The following TTC32 variants were observed in gnomAD, a reference collection of about 807,000 sequenced individuals.
The protein encoded by TTC32 is tetratricopeptide repeat protein 32.
Under a neutral mutation model 15.3 loss-of-function variants are expected in TTC32, and 16 were observed. The observed-to-expected ratio is 1.05, with a 90% CI of 0.71 to 1.59. TTC32 has a LOEUF of 1.59. Among genes scored for constraint, TTC32 ranks in the 40% most tolerant of loss-of-function variants. The probability of loss-of-function intolerance (pLI) is 0.00; values close to 1 mark genes in which losing one functional copy is unlikely to be tolerated. For synonymous variants in TTC32, 89 were observed against 67.8 expected, an observed-to-expected ratio of 1.31 and a Z score of -1.53; for missense variants, 188 against 181.9, an observed-to-expected ratio of 1.03 and a Z score of -0.19.
intron 2 of TTC32, among the ~76,000 whole-genome samples, chr2:19,897,335 T>G (rs1467337769): frequency 6.6e-6 from 1 of 152,190 alleles, no homozygotes; most frequent in Non-Finnish European, 1.5e-5. Context: ...CACCTAAAAT[T>G]AGCTATGGGT....
chr2:19,896,712 A>G lies in TTC32; in HGVS notation c.*275T>C, dbSNP rs1669516317. On this transcript the variant is annotated 3_prime_UTR_variant, in exon 3 of 3. Coordinates refer to ENST00000333610, the MANE Select transcript of TTC32 (RefSeq NM_001008237.3). Reference sequence around the variant, plus strand: ...TTAAATAAAAAGTTGAGAATAAAAAAATCACAAAAATAGTTTTGCTGAAGA... The same window carrying G: ...TTAAATAAAAAGTTGAGAATAAAAAGATCACAAAAATAGTTTTGCTGAAGA... The G allele has an allele frequency of 6.3e-6, 1 of 158,534 alleles. No individual in the cohort carries two copies. The highest frequency in any genetic ancestry group is 6.5e-5 in the Admixed American group (1 of 15,492). 9.8% of individuals were successfully genotyped at this position (158,534 alleles called of 1,614,324 possible). A position where few individuals can be genotyped will look rare whatever the true frequency, so the allele number is the denominator to read the frequency against.
In TTC32 at chr2:19,901,620, G is replaced by C. The variant is rs536183183; in HGVS notation, c.149+86C>G. 1.1e-5 allele frequency: 17 copies of C among 1,511,336 alleles called. No homozygotes were observed. In the African/African-American group the frequency reaches 1.9e-4, roughly 17 times the overall value. 93.6% of individuals were successfully genotyped at this position (1,511,336 alleles called of 1,614,324 possible). ...GGGTTATGACAAGCGCCGACCGTGA[G>C]CTCCAGAGGCAAAGATAGGAGCCCA... is the stretch of plus-strand genomic sequence containing the variant. On this transcript the variant is annotated intron_variant, in intron 1 of 2. Coordinates refer to ENST00000333610, the MANE Select transcript of TTC32 (RefSeq NM_001008237.3).
chr2:19,901,899 C>T lies in TTC32; in HGVS notation c.-45G>A, dbSNP rs1180271452. On this transcript the variant is annotated 5_prime_UTR_variant, in exon 1 of 3. Transcript: ENST00000333610. ...TCGGTGTAGAATGGGGGTTGACCTC[C>T]GAGCGGTTAGAGGTGGCACCACAAA... The T allele has an allele frequency of 3.1e-6, 5 of 1,610,502 alleles. No homozygotes were observed. The African/African-American group carries it at 5.3e-5, about 17-fold the overall frequency.
At chr2:19,901,019 G>A (rs1435397207) in intron 1 of TTC32, 6 of 463,974 alleles carry the variant, frequency 1.3e-5, no homozygotes, top group South Asian at 9.4e-5. Context: ...GGGAACCAAA[G>A]AACAAAACAC....
intron 1 of TTC32, among the ~76,000 whole-genome samples, chr2:19,900,769 AT>A (rs542437847): frequency 2.8e-4 from 43 of 152,366 alleles, no homozygotes; most frequent in Middle Eastern, 3.4e-3. Flanking sequence ...CCTAAAAAGT[AT>A]TCTTGCCATG....
At chr2:19,901,172 C>T in intron 1 of TTC32, 1 of 441,884 alleles carries the variant, frequency 2.3e-6, no homozygotes, top group Non-Finnish European at 4.6e-6. Flanking sequence ...TGATAAACAC[C>T]TAGACGTTCG....
chr2:19,896,944 G>T lies in TTC32; in HGVS notation c.*43C>A. On this transcript the variant is annotated 3_prime_UTR_variant, in exon 3 of 3. Transcript: ENST00000333610. ...TCTAAATTACTGATAACTAGATGCA[G>T]ATGTAAGGATCATGAATCAATACTT... The T allele has an allele frequency of 6.7e-7, 1 of 1,494,842 alleles. No homozygotes were observed. Among genetic ancestry groups the T allele is most frequent in the Non-Finnish European group, 9.1e-7 (1 of 1,102,530 alleles). 92.6% of individuals were successfully genotyped at this position (1,494,842 alleles called of 1,614,324 possible). A position where few individuals can be genotyped will look rare whatever the true frequency, so the allele number is the denominator to read the frequency against.
Position 19,896,816 on chromosome 2 carries a change from TA to T in TTC32, c.*170del, listed in dbSNP as rs566103768. On this transcript the variant is annotated 3_prime_UTR_variant, in exon 3 of 3. Transcript: ENST00000333610. ...TACATTGGTATTATTTACACTTCAT[TA>T]AAAAAAACCCATTCAACCTGAAATT... The T allele has an allele frequency of 4.1e-4, 156 of 378,670 alleles. No homozygotes were observed. The highest frequency in any genetic ancestry group is 5.0e-4 in the Non-Finnish European group (110 of 220,184). The allele number at this position is 378,670 out of a possible 1,614,324, so 23.5% of individuals were successfully genotyped here.
rs1414778083 is a variant in TTC32, at chr2:19,897,889, CCT to C, written c.294_295del (p.Gly99ValfsTer5). 1 of 1,608,600 alleles carries C rather than the reference CCT, an allele frequency of 6.2e-7. No homozygotes were observed. Among genetic ancestry groups the C allele is most frequent in the Non-Finnish European group, 8.5e-7 (1 of 1,176,394 alleles). ...CTTACCCAGCCTATACAGTATCAAC[CCT>C]CTGTTGTAATATGGAACTTCAAAAT... On this transcript the variant is annotated frameshift_variant, in exon 2 of 3. Coordinates refer to ENST00000333610, the MANE Select transcript of TTC32 (RefSeq NM_001008237.3). LOFTEE classifies it high-confidence loss of function.
chr2:19,901,639 G>A, intron 1 of TTC32, 67 bp downstream of exon 1: 1 of 1,559,876 alleles, frequency 6.4e-7, no homozygotes, highest in Admixed American at 1.8e-5. Flanking sequence ...GCAAAGATAG[G>A]AGCCCAAACA....
Position 19,901,654 on chromosome 2 carries a change from C to T in TTC32, c.149+52G>A, listed in dbSNP as rs979570740. Reference sequence around the variant, plus strand: ...GCAAAGATAGGAGCCCAAACAACCCCAACGTCGCCTCCACCCGGGGTCGCC... The same window carrying T: ...GCAAAGATAGGAGCCCAAACAACCCTAACGTCGCCTCCACCCGGGGTCGCC... On this transcript the variant is annotated intron_variant, in intron 1 of 2. Coordinates refer to ENST00000333610, the MANE Select transcript of TTC32 (RefSeq NM_001008237.3). The T allele has an allele frequency of 3.2e-6, 5 of 1,581,822 alleles. No individual in the cohort carries two copies. The Admixed American group carries it at 8.6e-5, about 27-fold the overall frequency.
At chr2:19,897,203 T>A (rs1225227177) in intron 2 of TTC32, 77 bp from the exon 3 acceptor site, 1 of 1,440,092 alleles carries the variant, frequency 6.9e-7, no homozygotes, top group South Asian at 1.4e-5. Context: ...AAAGCTTTGA[T>A]ACATGTACTT....
Position 19,897,984 on chromosome 2 carries a change from G to T in TTC32, c.201C>A (p.Ile67=), listed in dbSNP as rs767205539. The T allele has an allele frequency of 8.1e-6, 13 of 1,608,952 alleles. No homozygotes were observed. The African/African-American group carries it at 1.7e-4, about 22-fold the overall frequency. ...CATAAAAATCAACCCTGAAGTACTT[G>T]ATTTGCCCCCTGTTGTTATATGCAG... ...LATAYNNRGQ[I]KYFRVDFYEA... is the part of the protein sequence containing the mutation. Residue 67 remains isoleucine (I), a synonymous_variant, in exon 2 of 3, where the codon ATC becomes ATA. Transcript: ENST00000333610.
rs1669517848 is a variant in TTC32, at chr2:19,896,811, T to G, written c.*176A>C. ...ACTTATACATTGGTATTATTTACAC[T>G]TCATTAAAAAAAACCCATTCAACCT... On this transcript the variant is annotated 3_prime_UTR_variant, in exon 3 of 3. Transcript: ENST00000333610. The G allele has an allele frequency of 2.8e-6, 1 of 352,126 alleles. No individual in the cohort carries two copies. The highest frequency in any genetic ancestry group is 4.9e-5 in the Admixed American group (1 of 20,474). The allele number at this position is 352,126 out of a possible 1,614,324, so 21.8% of individuals were successfully genotyped here.
chr2:19,898,133 T>TCACA, intron 1 of TTC32, 98 bp from the exon 2 acceptor site: 1 of 1,106,620 alleles, frequency 9.0e-7, no homozygotes, highest in Non-Finnish European at 1.3e-6. Flanking sequence ...TCACAGCCTA[T>TCACA]AACATGCAGC....
At position 19,896,817 on chromosome 2, in the gene TTC32, A is replaced by T. The variant is rs1669517931; in HGVS notation, c.*170T>A. On this transcript the variant is annotated 3_prime_UTR_variant, in exon 3 of 3. Coordinates refer to ENST00000333610, the MANE Select transcript of TTC32 (RefSeq NM_001008237.3). ...ACATTGGTATTATTTACACTTCATT[A>T]AAAAAAACCCATTCAACCTGAAATT... 8.0e-6 allele frequency: 3 copies of T among 376,690 alleles called. No individual in the cohort carries two copies. The highest frequency in any genetic ancestry group is 1.1e-4 in the East Asian group (2 of 18,938). 23.3% of individuals were successfully genotyped at this position (376,690 alleles called of 1,614,324 possible).
Position 19,901,771 on chromosome 2 carries a change from C to T in TTC32, c.84G>A (p.Glu28=), listed in dbSNP as rs749247504. The T allele has an allele frequency of 8.1e-6, 13 of 1,614,098 alleles. No homozygotes were observed. In the East Asian group the frequency reaches 1.6e-4, roughly 19 times the overall value. ...GGCGAATGTAAGCGGAGTACAGTGC[C>T]TCGGCCTCCGCGTACTCTCCATTGT... ...HFNNGEYAEA[E]ALYSAYIRRC... Residue 28 remains glutamate (E), a synonymous_variant, in exon 1 of 3, where the codon GAG becomes GAA. Transcript: ENST00000333610.
chr2:19,900,923 G>A, intron 1 of TTC32: 1 of 326,402 alleles, frequency 3.1e-6, no homozygotes, highest in South Asian at 2.3e-5. Flanking sequence ...CACAAGAATC[G>A]GTTTCCTCAA....
Position 19,898,719 on chromosome 2 carries a change from G to A in TTC32, c.150-684C>T, listed in dbSNP as rs188574844. ...TGTGCAGAACTGGCTCTGCACCTGA[G>A]GGAACTAGAGGTTGCCCAAAGAGCT... On this transcript the variant is annotated intron_variant, in intron 1 of 2. Transcript: ENST00000333610. Among the ~76,000 whole-genome samples the A allele has an allele frequency of 1.1e-3, 163 of 152,284 alleles. 1 individual carries two copies. The highest frequency in any genetic ancestry group is 2.0e-3 in the Non-Finnish European group (133 of 68,012).
Sources: allele counts gnomAD v4.1 joint callset (sites outside exome capture counted in the v4.1 genomes callset), GRCh38; gene constraint gnomAD v4.1.1; transcripts MANE v1.5; gene names NCBI Gene and HGNC (gene_info 2026-07-23, HGNC 2026-07-21).